RAB40C: variants seen among roughly 807,000 people sequenced by gnomAD.
RAB40C encodes ras-related protein Rab-40C.
RAB40C carries 8 observed loss-of-function variants against 28.1 expected under a neutral mutation model. That is an observed-to-expected ratio of 0.28 (90% confidence interval 0.17 to 0.51). The LOEUF is 0.51. RAB40C is among the 20% of genes least tolerant of loss of function. RAB40C has a pLI of 0.97. For synonymous variants in RAB40C, 201 were observed against 171.7 expected (o/e 1.17, Z -1.34); for missense variants, 288 against 405.9 (o/e 0.71, Z 2.50).
chr16:597,822 T>TG (rs1239322385), intron 1 of RAB40C, among the ~76,000 whole-genome samples: 2 of 148,250 alleles, frequency 1.3e-5, no homozygotes, highest in African/African-American at 5.0e-5. Context: ...AGCAGAGGGC[T>TG]GGGCACGGTG....
chr16:622,399 C>T (rs1043467457), intron 3 of RAB40C, among the ~76,000 whole-genome samples: 7 of 151,512 alleles, frequency 4.6e-5, no homozygotes, highest in East Asian at 1.9e-4. Flanking sequence ...TGAGCGGCAC[C>T]GTGGACACGT....
At chr16:616,113 C>T (rs544859048) in intron 1 of RAB40C, among the ~76,000 whole-genome samples, 12 of 151,774 alleles carry the variant, frequency 7.9e-5, no homozygotes, top group South Asian at 4.2e-4. Context: ...AAAAATTATC[C>T]GGGCATGGTG....
At chr16:613,439 CAA>C (rs1206352453) in intron 1 of RAB40C, among the ~76,000 whole-genome samples, 7 of 152,268 alleles carry the variant, frequency 4.6e-5, no homozygotes, top group Non-Finnish European at 1.0e-4. Context: ...CCGGTAGAAT[CAA>C]GAGCACAGTG....
At chr16:593,339 A>T (rs1257795573) in intron 1 of RAB40C, among the ~76,000 whole-genome samples, 1 of 152,228 alleles carries the variant, frequency 6.6e-6, no homozygotes, top group Non-Finnish European at 1.5e-5. Flanking sequence ...CCTTTGAAAG[A>T]GTTGTAGCAG....
At chr16:602,738 A>G (rs1175143671) in intron 1 of RAB40C, among the ~76,000 whole-genome samples, 1 of 152,030 alleles carries the variant, frequency 6.6e-6, no homozygotes, top group Admixed American at 6.6e-5. Context: ...TGGCCAATAA[A>G]TTATTTTTTG....
Position 590,949 on chromosome 16 carries a change from A to G in RAB40C, c.142+516A>G, listed in dbSNP as rs537109534. Among the ~76,000 whole-genome samples, 53 of 141,828 alleles carry G rather than the reference A, an allele frequency of 3.7e-4. 1 individual carries two copies. The South Asian group carries it at 0.012, about 31-fold the overall frequency. The allele number at this position is 141,828 out of a possible 152,430, so 93.0% of individuals were successfully genotyped here. On this transcript the variant is annotated intron_variant, in intron 1 of 5. Transcript: ENST00000248139. ...CGAGGGAAGGTGTCATGGGTCCAGG[A>G]TCTGGGGTCCGGGGAAAGATGTCAT...
At chr16:614,930 A>C (rs1231661951) in intron 1 of RAB40C, among the ~76,000 whole-genome samples, 1 of 152,240 alleles carries the variant, frequency 6.6e-6, no homozygotes, top group Non-Finnish European at 1.5e-5. Flanking sequence ...ATCCTGATGA[A>C]CTGCTTAATG....
At position 594,153 on chromosome 16, in the gene RAB40C, A is replaced by G. The variant is rs1489682700; in HGVS notation, c.142+3720A>G. Among the ~76,000 whole-genome samples, 4 of 152,104 alleles carry G rather than the reference A, an allele frequency of 2.6e-5. 1 individual carries two copies. The highest frequency in any genetic ancestry group is 1.3e-4 in the Admixed American group (2 of 15,274). On this transcript the variant is annotated intron_variant, in intron 1 of 5. Transcript: ENST00000248139. ...CCACCCTCGGCACCGTGTCCCCACAAACCTTCCTGGGAGCAAGTTTTCCTC... is the reference window on the plus strand; with the variant it reads ...CCACCCTCGGCACCGTGTCCCCACAGACCTTCCTGGGAGCAAGTTTTCCTC...
At chr16:624,983 G>A in intron 3 of RAB40C, 1 of 1,289,536 alleles carries the variant, frequency 7.8e-7, no homozygotes, top group Non-Finnish European at 1.0e-6. Context: ...TGGAGGGACT[G>A]GCATTCTGCT....
intron 1 of RAB40C, among the ~76,000 whole-genome samples, chr16:604,653 C>T (rs1023541046): frequency 6.6e-6 from 1 of 152,164 alleles, no homozygotes; most frequent in African/African-American, 2.4e-5. Context: ...GTTTCTGTTC[C>T]CTTAGGTAGA....
chr16:611,815 C>G (rs55634863), intron 1 of RAB40C, among the ~76,000 whole-genome samples: 11 of 32,852 alleles, frequency 3.3e-4, no homozygotes, highest in Admixed American at 2.0e-3. Context: ...CAGCCGCCTT[C>G]GCCTGTAGAA....
At chr16:596,145 T>C (rs766505060) in intron 1 of RAB40C, among the ~76,000 whole-genome samples, 24 of 152,204 alleles carry the variant, frequency 1.6e-4, no homozygotes, top group Admixed American at 3.3e-4. Context: ...CGCAGGGTGG[T>C]GTGGACACAG....
intron 1 of RAB40C, among the ~76,000 whole-genome samples, chr16:598,042 T>C (rs575226520): frequency 6.7e-6 from 1 of 149,740 alleles, no homozygotes; most frequent in African/African-American, 2.5e-5. Flanking sequence ...GTCAAGAGAT[T>C]GAGACCATCC....
chr16:620,117 T>C (rs4984675), intron 3 of RAB40C, among the ~76,000 whole-genome samples: 74,611 of 152,128 alleles, frequency 0.49, 18,977 homozygotes, highest in East Asian at 0.66. Flanking sequence ...GAGTTGGGGC[T>C]GGTGCGGTGG....
intron 1 of RAB40C, among the ~76,000 whole-genome samples, chr16:614,977 C>T (rs1396921041): frequency 6.6e-6 from 1 of 152,254 alleles, no homozygotes; most frequent in Non-Finnish European, 1.5e-5. Context: ...GCAGCTCCTG[C>T]AGTCATGGGC....
intron 1 of RAB40C, among the ~76,000 whole-genome samples, chr16:599,421 C>T (rs983211672): frequency 6.6e-6 from 1 of 152,250 alleles, no homozygotes; most frequent in Non-Finnish European, 1.5e-5. Context: ...CAGCAGGACC[C>T]ACTTCACCAG....
chr16:600,312 C>T (rs569405910), intron 1 of RAB40C, among the ~76,000 whole-genome samples: 2 of 152,350 alleles, frequency 1.3e-5, no homozygotes, highest in South Asian at 4.1e-4. Flanking sequence ...AGTATGTCAG[C>T]TTCTTAAATT....
chr16:590,514 C>A, intron 1 of RAB40C, 81 bp downstream of exon 1: 1 of 1,379,892 alleles, frequency 7.2e-7, no homozygotes, highest in Non-Finnish European at 9.4e-7. Flanking sequence ...CTCGGCCCGG[C>A]CCTTCCAAGC....
chr16:620,960 C>T (rs1354392335), intron 3 of RAB40C, among the ~76,000 whole-genome samples: 1 of 152,258 alleles, frequency 6.6e-6, no homozygotes, highest in Non-Finnish European at 1.5e-5. Flanking sequence ...AGTTCATAAG[C>T]TCTGCATTTG....
Sources: gnomAD v4.1 joint callset for allele counts (sites outside exome capture counted in the v4.1 genomes callset) on GRCh38, gnomAD v4.1.1 for gene constraint, MANE v1.5 for transcripts, NCBI Gene and HGNC (gene_info 2026-07-23, HGNC 2026-07-21) for gene names.